Variants in ATP2A2 observed in about 807,000 individuals in gnomAD.
The protein encoded by ATP2A2 is ATPase sarcoplasmic/endoplasmic reticulum Ca2+ transporting 2.
ATP2A2 carries 14 observed loss-of-function variants against 109.3 expected under a neutral mutation model. The ratio of observed to expected loss-of-function variants is 0.13; its 90% CI spans 0.08 to 0.20. ATP2A2 has a LOEUF of 0.20. ATP2A2 is among the 10% of genes least tolerant of loss of function. The pLI is 1.00. For missense variants in ATP2A2, 657 were observed against 1,321.6 expected, an observed-to-expected ratio of 0.50 and a Z score of 7.80; for synonymous variants, 506 against 490.9, an observed-to-expected ratio of 1.03 and a Z score of -0.41.
At chr12:110,324,345 T>A (rs1877546853) in intron 6 of ATP2A2, among the ~76,000 whole-genome samples, 2 of 152,168 alleles carry the variant, frequency 1.3e-5, no homozygotes, top group Admixed American at 1.3e-4. Context: ...AATTAAGCCA[T>A]AAAATGTTGG....
intron 5 of ATP2A2, among the ~76,000 whole-genome samples, chr12:110,300,087 C>CGTCT (rs1394701756): frequency 1.3e-5 from 2 of 149,714 alleles, no homozygotes; most frequent in Admixed American, 6.6e-5. Flanking sequence ...TCTGTCCGTC[C>CGTCT]GTCTGTCCTT....
At chr12:110,338,239 C>T (rs1879026348) in intron 11 of ATP2A2, among the ~76,000 whole-genome samples, 1 of 152,214 alleles carries the variant, frequency 6.6e-6, no homozygotes, top group African/African-American at 2.4e-5. Context: ...TCTAAAACTA[C>T]TTAGAATACC....
At position 110,350,198 on chromosome 12, in the gene ATP2A2, T is replaced by C; in HGVS notation, c.*3728T>C. On this transcript the variant is annotated 3_prime_UTR_variant, in exon 20 of 20. Coordinates refer to ENST00000539276, the MANE Select transcript of ATP2A2 (RefSeq NM_170665.4). Reference sequence around the variant, plus strand: ...AGATCAAGCTGAATGTTCCTTTTCATCTGTCGCTGTTGATCTTCATCTATT... The same window carrying C: ...AGATCAAGCTGAATGTTCCTTTTCACCTGTCGCTGTTGATCTTCATCTATT... 1.2e-6 allele frequency: 2 copies of C among 1,612,364 alleles called. No homozygotes were observed. Among genetic ancestry groups the C allele is most frequent in the East Asian group, 2.2e-5 (1 of 44,866 alleles).
At chr12:110,314,198 C>T (rs547775405) in intron 5 of ATP2A2, among the ~76,000 whole-genome samples, 2 of 152,136 alleles carry the variant, frequency 1.3e-5, no homozygotes, top group African/African-American at 4.8e-5. Context: ...CATGGTAGCG[C>T]TTGCCTGTAA....
chr12:110,333,806 T>C (rs539993980), intron 10 of ATP2A2, among the ~76,000 whole-genome samples: 1 of 152,346 alleles, frequency 6.6e-6, no homozygotes, highest in East Asian at 1.9e-4. Context: ...ATGAAAAACC[T>C]ACTTATTAGA....
chr12:110,326,360 T>A lies in ATP2A2; in HGVS notation c.545-30T>A, dbSNP rs761930681. The A allele has an allele frequency of 1.9e-6, 3 of 1,592,284 alleles. No homozygotes were observed. In the East Asian group the frequency reaches 6.7e-5, roughly 36 times the overall value. ...AGGTTCTTGGTGTGGGTCGCAGAGATCTGTTTTTTCTGTCTCACAACCCGC... is the reference window on the plus strand; with the variant it reads ...AGGTTCTTGGTGTGGGTCGCAGAGAACTGTTTTTTCTGTCTCACAACCCGC... On this transcript the variant is annotated intron_variant, in intron 6 of 19. Coordinates refer to ENST00000539276, the MANE Select transcript of ATP2A2 (RefSeq NM_170665.4).
chr12:110,308,292 CT>C (rs1393977368), intron 5 of ATP2A2, among the ~76,000 whole-genome samples: 1 of 152,168 alleles, frequency 6.6e-6, no homozygotes, highest in African/African-American at 2.4e-5. Context: ...CCTTGTCTTA[CT>C]GATCGTAGGG....
At chr12:110,293,871 T>TATATATATATATATATATA (rs1491495436) in intron 4 of ATP2A2, among the ~76,000 whole-genome samples, 32 of 79,460 alleles carry the variant, frequency 4.0e-4, no homozygotes, top group Non-Finnish European at 5.0e-4. Flanking sequence ...TGTGTATATA[T>TATATATATATATATATATA]TTTTTTTTTT....
intron 5 of ATP2A2, among the ~76,000 whole-genome samples, chr12:110,300,338 A>C (rs1592808917): frequency 7.4e-6 from 1 of 134,992 alleles, no homozygotes; most frequent in African/African-American, 2.9e-5. Flanking sequence ...CAGGCACATG[A>C]CACCATGCCC....
At position 110,348,328 on chromosome 12, in the gene ATP2A2, GCA is replaced by G; in HGVS notation, c.*1861_*1862del. On this transcript the variant is annotated 3_prime_UTR_variant, in exon 20 of 20. Coordinates refer to ENST00000539276, the MANE Select transcript of ATP2A2 (RefSeq NM_170665.4). Reference sequence around the variant, plus strand: ...ACTTAGCTCTGCAGGGGATGTTAAAGCACAGTTAGTAGGACGTGGCTCTGCAC... The same window carrying G: ...ACTTAGCTCTGCAGGGGATGTTAAAGCAGTTAGTAGGACGTGGCTCTGCAC... The G allele has an allele frequency of 1.0e-6, 1 of 985,280 alleles. No homozygotes were observed. Among genetic ancestry groups the G allele is most frequent in the Admixed American group, 6.1e-5 (1 of 16,266 alleles). 61.0% of individuals were successfully genotyped at this position (985,280 alleles called of 1,614,324 possible).
At chr12:110,281,929 G>C (rs1872135568) in intron 1 of ATP2A2, 22 bp downstream of exon 1, 1 of 1,549,158 alleles carries the variant, frequency 6.5e-7, no homozygotes, top group Admixed American at 1.9e-5. Flanking sequence ...GCGCTCCGCT[G>C]CAGGGGCCCG....
At chr12:110,301,048 A>G (rs751796934) in intron 5 of ATP2A2, among the ~76,000 whole-genome samples, 5 of 152,114 alleles carry the variant, frequency 3.3e-5, no homozygotes, top group Non-Finnish European at 5.9e-5. Context: ...TTTTAAAAAA[A>G]TAGAGACAGA....
chr12:110,282,648 T>C, intron 2 of ATP2A2, 27 bp downstream of exon 2: 1 of 1,614,058 alleles, frequency 6.2e-7, no homozygotes, highest in Middle Eastern at 1.6e-4. Flanking sequence ...GTTTCTGTTT[T>C]TTTTCCTCTG....
chr12:110,283,988 A>G (rs1872418075), intron 3 of ATP2A2, among the ~76,000 whole-genome samples: 1 of 152,246 alleles, frequency 6.6e-6, no homozygotes, highest in Non-Finnish European at 1.5e-5. Context: ...TAATTTTTAC[A>G]TAAATCCTGC....
chr12:110,335,468 C>CA (rs933614149), intron 11 of ATP2A2, among the ~76,000 whole-genome samples: 33 of 152,156 alleles, frequency 2.2e-4, no homozygotes, highest in African/African-American at 7.5e-4. Flanking sequence ...GTTTAGGTTG[C>CA]AGCATCACTG....
chr12:110,283,657 C>G (rs1416048513), intron 3 of ATP2A2, among the ~76,000 whole-genome samples: 2 of 152,264 alleles, frequency 1.3e-5, no homozygotes, highest in East Asian at 3.9e-4. Flanking sequence ...ACAGATGTTC[C>G]TAATTCTAAT....
In ATP2A2 at chr12:110,339,424, T is replaced by C. The variant is rs769352773; in HGVS notation, c.1542+21T>C. 5.6e-6 allele frequency: 9 copies of C among 1,614,060 alleles called. No homozygotes were observed. In the Admixed American group the frequency reaches 6.7e-5, roughly 12 times the overall value. ...TGAAGGCAAGTATGGCAGATTGCAA[T>C]TGAGATGTTCTTGCCAGGGTTAAGA... On this transcript the variant is annotated intron_variant, in intron 12 of 19. Coordinates refer to ENST00000539276, the MANE Select transcript of ATP2A2 (RefSeq NM_170665.4). The surrounding 1 kb of genome is among the most constrained non-coding windows in gnomAD (Gnocchi z 4.4).
intron 4 of ATP2A2, among the ~76,000 whole-genome samples, chr12:110,293,431 G>A (rs561124921): frequency 5.7e-5 from 7 of 123,226 alleles, no homozygotes; most frequent in African/African-American, 2.2e-4. Flanking sequence ...TTTCACTCTT[G>A]TTGCCCAGGC....
Position 110,334,150 on chromosome 12 carries a change from AT to A in ATP2A2, c.1419+10del. The A allele has an allele frequency of 6.2e-7, 1 of 1,613,768 alleles. No homozygotes were observed. The highest frequency in any genetic ancestry group is 8.5e-7 in the Non-Finnish European group (1 of 1,180,010). Reference sequence around the variant, plus strand: ...TGCAAATGCCTGCAACTCAGTGAGTATTTGAACCTGGTTTATTGTTCATGCT... The same window carrying A: ...TGCAAATGCCTGCAACTCAGTGAGTATTGAACCTGGTTTATTGTTCATGCT... On this transcript the variant is annotated splice_region_variant and intron_variant, in intron 11 of 19. Transcript: ENST00000539276.
Sources: gnomAD v4.1 joint callset for allele counts (sites outside exome capture counted in the v4.1 genomes callset) on GRCh38, gnomAD v4.1.1 for gene constraint, Gnocchi (gnomAD v3.1) non-coding constraint, MANE v1.5 for transcripts, NCBI Gene and HGNC (gene_info 2026-07-23, HGNC 2026-07-21) for gene names.